Variants in SLIT2 observed in about 807,000 individuals in gnomAD.
SLIT2 encodes slit homolog 2 protein.
In SLIT2, 41 loss-of-function variants were observed where a neutral mutation model predicts 185.7. The observed-to-expected ratio is 0.22, with a 90% CI of 0.17 to 0.29. The LOEUF (loss-of-function observed/expected upper bound fraction) is 0.29, where lower values mean the gene tolerates loss of function less well. Among genes scored for constraint, SLIT2 ranks in the 10% least tolerant of loss-of-function variants. The probability of loss-of-function intolerance (pLI) is 1.00; values close to 1 mark genes in which losing one functional copy is unlikely to be tolerated. For missense variants in SLIT2, 1,571 were observed against 1,909.0 expected (o/e 0.82, Z 3.30); for synonymous variants, 693 against 680.2 (o/e 1.02, Z -0.29).
chr4:20,316,232 C>T (rs1217309327), intron 4 of SLIT2, among the ~76,000 whole-genome samples: 3 of 152,044 alleles, frequency 2.0e-5, no homozygotes, highest in African/African-American at 7.2e-5. Context: ...AGGTTATAAA[C>T]ATGTCAACAA....
intron 4 of SLIT2, among the ~76,000 whole-genome samples, chr4:20,313,305 C>T (rs1294087815): frequency 6.6e-6 from 1 of 152,156 alleles, no homozygotes; most frequent in Non-Finnish European, 1.5e-5. Context: ...GGAGCAGGCA[C>T]ATCACGTGGT....
At chr4:20,511,596 T>TTTTTTTTTTTTTA (rs1220710184) in intron 11 of SLIT2, among the ~76,000 whole-genome samples, 3 of 138,574 alleles carry the variant, frequency 2.2e-5, no homozygotes, top group African/African-American at 8.1e-5. Context: ...AATTTTTTTT[T>TTTTTTTTTTTTTA]TTTTTTTATT....
At chr4:20,553,782 C>T (rs200457387) in intron 25 of SLIT2, 23 bp from the exon 26 acceptor site, 77 of 1,541,196 alleles carry the variant, frequency 5.0e-5, no homozygotes, top group Non-Finnish European at 8.7e-6. Context: ...TGTGTGTGTG[C>T]TTCTGTGGTG....
intron 8 of SLIT2, chr4:20,490,943 C>A (rs1717733033): frequency 2.9e-6 from 2 of 691,698 alleles, no homozygotes; most frequent in African/African-American, 1.8e-5. Context: ...CCTTTCCTGG[C>A]AGGTTGGAAA....
At position 20,533,506 on chromosome 4, in the gene SLIT2, A is replaced by G. The variant is rs985478843; in HGVS notation, c.1689-66A>G. 7 of 1,243,996 alleles carry G rather than the reference A, an allele frequency of 5.6e-6. No homozygotes were observed. The African/African-American group carries it at 9.0e-5, about 16-fold the overall frequency. 77.1% of individuals were successfully genotyped at this position (1,243,996 alleles called of 1,614,324 possible). On this transcript the variant is annotated intron_variant, in intron 17 of 36. Transcript: ENST00000504154. ...TTGGATCATTAGAAGAAAATTATCA[A>G]CTATGTTTCAATTCCCACCTTGTTA...
intron 19 of SLIT2, among the ~76,000 whole-genome samples, 186 bp from the exon 20 acceptor site, chr4:20,541,267 T>C (rs1722777684): frequency 6.6e-6 from 1 of 151,814 alleles, no homozygotes; most frequent in African/African-American, 2.4e-5. Flanking sequence ...CAAGCATAAA[T>C]ATTTTATCAA....
At position 20,486,218 on chromosome 4, in the gene SLIT2, C is replaced by T; in HGVS notation, c.558C>T (p.Asn186=). The change falls in exon 7 of 37, where the codon AAC becomes AAT. Residue 186 remains asparagine (N), a synonymous_variant. Coordinates refer to ENST00000504154, the MANE Select transcript of SLIT2 (RefSeq NM_004787.4). ...TCTACAGCACTCTCAACAATAACAA[C>T]ATTACTAGACTTTCTGTGGCAAGTT... ...DLEVLTLNNN[N]ITRLSVASFN... 1.2e-6 allele frequency: 2 copies of T among 1,603,186 alleles called. No homozygotes were observed. Among genetic ancestry groups the T allele is most frequent in the Admixed American group, 1.7e-5 (1 of 59,930 alleles).
intron 9 of SLIT2, among the ~76,000 whole-genome samples, chr4:20,498,032 G>A (rs111306589): frequency 5.3e-5 from 8 of 152,214 alleles, no homozygotes; most frequent in African/African-American, 1.7e-4. Context: ...AATTAGCCAG[G>A]CGTGGCAGTG....
At position 20,619,019 on chromosome 4, in the gene SLIT2, C is replaced by G. The variant is rs186108791; in HGVS notation, c.*10C>G. The G allele has an allele frequency of 6.2e-7, 1 of 1,603,706 alleles. No homozygotes were observed. Among genetic ancestry groups the G allele is most frequent in the Non-Finnish European group, 8.5e-7 (1 of 1,171,228 alleles). The stretch of plus-strand genomic sequence containing the variant: ...GAGGTGTGTGTCCTAAACACACTCC[C>G]GGCAGCTCTGTCTTTGGAAAAGGTT... On this transcript the variant is annotated 3_prime_UTR_variant, in exon 37 of 37. Coordinates refer to ENST00000504154, the MANE Select transcript of SLIT2 (RefSeq NM_004787.4).
intron 4 of SLIT2, among the ~76,000 whole-genome samples, chr4:20,318,150 G>T (rs1053151415): frequency 6.6e-6 from 1 of 152,108 alleles, no homozygotes; most frequent in Non-Finnish European, 1.5e-5. Context: ...CTTTGTTTCT[G>T]CAATAATGGC....
chr4:20,580,140 A>G (rs1266514326), intron 29 of SLIT2, among the ~76,000 whole-genome samples: 1 of 149,230 alleles, frequency 6.7e-6, no homozygotes, highest in Non-Finnish European at 1.5e-5. Flanking sequence ...AGCTCACTGC[A>G]ACCTCCGCCT....
At chr4:20,497,499 T>A (rs1718331822) in intron 9 of SLIT2, among the ~76,000 whole-genome samples, 1 of 152,190 alleles carries the variant, frequency 6.6e-6, no homozygotes, top group Non-Finnish European at 1.5e-5. Context: ...AGAGAAATTT[T>A]AAGAAACTTA....
chr4:20,526,763 T>C (rs1352281352), intron 15 of SLIT2, among the ~76,000 whole-genome samples: 1 of 152,228 alleles, frequency 6.6e-6, no homozygotes, highest in Admixed American at 6.5e-5. Context: ...TTAAACATGA[T>C]AATTGTAGAA....
intron 4 of SLIT2, among the ~76,000 whole-genome samples, chr4:20,352,068 T>G (rs985566931): frequency 1.3e-5 from 2 of 152,164 alleles, no homozygotes; most frequent in African/African-American, 4.8e-5. Context: ...GATTCTCAGT[T>G]TATGCTGGCA....
intron 26 of SLIT2, among the ~76,000 whole-genome samples, chr4:20,554,516 T>C (rs1724067729): frequency 6.6e-6 from 1 of 152,206 alleles, no homozygotes; most frequent in South Asian, 2.1e-4. Flanking sequence ...ATTATTTTCC[T>C]TTTTATTACA....
At chr4:20,257,842 G>A in intron 2 of SLIT2, 26 bp from the exon 3 acceptor site, 1 of 1,211,494 alleles carries the variant, frequency 8.3e-7, no homozygotes, top group Non-Finnish European at 1.2e-6. Context: ...GTAACATTAA[G>A]AAGCATGTTA....
At chr4:20,472,282 A>ATC (rs1161799473) in intron 5 of SLIT2, among the ~76,000 whole-genome samples, 8 of 28,578 alleles carry the variant, frequency 2.8e-4, no homozygotes, top group South Asian at 1.5e-3. Flanking sequence ...ATATCTATAT[A>ATC]TATAGATATA....
At chr4:20,461,551 G>GA (rs1392525750) in intron 4 of SLIT2, among the ~76,000 whole-genome samples, 7 of 152,198 alleles carry the variant, frequency 4.6e-5, no homozygotes, top group South Asian at 4.1e-4. Flanking sequence ...GGCAAGGGCA[G>GA]AAGCAGAGAG....
chr4:20,374,187 A>G (rs1386432760), intron 4 of SLIT2, among the ~76,000 whole-genome samples: 2 of 152,104 alleles, frequency 1.3e-5, no homozygotes, highest in Non-Finnish European at 2.9e-5. Flanking sequence ...GCGATGATAC[A>G]TGCAGGGTGT....
Sources: allele counts gnomAD v4.1 joint callset (sites outside exome capture counted in the v4.1 genomes callset), GRCh38; gene constraint gnomAD v4.1.1; transcripts MANE v1.5; gene names NCBI Gene and HGNC (gene_info 2026-07-23, HGNC 2026-07-21).